The following FBXO34 variants were observed in gnomAD, a reference collection of about 807,000 sequenced individuals.
The protein encoded by FBXO34 is F-box only protein 34.
Under a neutral mutation model 24.5 loss-of-function variants are expected in FBXO34, and 12 were observed. That is an observed-to-expected ratio of 0.49 (90% CI 0.31 to 0.79). The LOEUF is 0.79. FBXO34 is among the 30% of genes least tolerant of loss of function. FBXO34 has a pLI of 0.04. For synonymous variants in FBXO34, 320 were observed against 311.9 expected (o/e 1.03, Z -0.27); for missense variants, 823 against 857.7 (o/e 0.96, Z 0.51).
At chr14:55,332,855 C>T (rs892897904) in intron 1 of FBXO34, among the ~76,000 whole-genome samples, 2 of 151,956 alleles carry the variant, frequency 1.3e-5, no homozygotes, top group Non-Finnish European at 2.9e-5. Context: ...CTGAGGGGTA[C>T]GAGGCACTGT....
At position 55,339,833 on chromosome 14, in the gene FBXO34, GC is replaced by G. The variant is rs554663846; in HGVS notation, c.-10-10547del. ...ACAGAGTATACCTTAACCAGCCAGT[GC>G]ACATACTGCTACTTCAGTCTTGGTT... On this transcript the variant is annotated intron_variant, in intron 1 of 1. Transcript: ENST00000313833. Among the ~76,000 whole-genome samples, 25 of 152,280 alleles carry G rather than the reference GC, an allele frequency of 1.6e-4. No individual in the cohort carries two copies. The East Asian group carries it at 4.3e-3, about 26-fold the overall frequency.
At chr14:55,378,234 A>C in the FBXO34 span, among the ~76,000 whole-genome samples, 14 of 152,380 alleles carry the variant, frequency 9.2e-5, no homozygotes, top group Admixed American at 9.1e-4. Context: ...CATTCCCCTC[A>C]GAGAACAATT....
At chr14:55,374,914 T>C (rs1268778391), downstream of FBXO34, among the ~76,000 whole-genome samples, 1 of 152,242 alleles carries the variant, frequency 6.6e-6, no homozygotes, top group African/African-American at 2.4e-5. Context: ...TGCTATGTTT[T>C]AAATGGACCA....
At chr14:55,333,750 G>A (rs1355420350) in intron 1 of FBXO34, among the ~76,000 whole-genome samples, 1 of 148,530 alleles carries the variant, frequency 6.7e-6, no homozygotes, top group Non-Finnish European at 1.5e-5. Flanking sequence ...ATGTAAACAT[G>A]ACCCTATTAG....
intron 1 of FBXO34, among the ~76,000 whole-genome samples, chr14:55,280,805 C>T (rs556032833): frequency 4.6e-5 from 7 of 152,178 alleles, no homozygotes; most frequent in African/African-American, 7.2e-5. Flanking sequence ...GGATTACAGG[C>T]GTGAACCACC....
the FBXO34 span, among the ~76,000 whole-genome samples, chr14:55,439,724 A>G: frequency 6.6e-6 from 1 of 151,516 alleles, no homozygotes; most frequent in Non-Finnish European, 1.5e-5. Flanking sequence ...AGGTCAGGAG[A>G]TCGAGACCAT....
chr14:55,440,733 C>G, the FBXO34 span: 15 of 596,018 alleles, frequency 2.5e-5, no homozygotes, highest in East Asian at 3.2e-4. Context: ...GCAGTCACCC[C>G]ACTCTGCCCG....
chr14:55,404,854 G>T, the FBXO34 span, among the ~76,000 whole-genome samples: 2 of 152,270 alleles, frequency 1.3e-5, no homozygotes, highest in South Asian at 4.2e-4. Context: ...TATAACCCAG[G>T]AGTAAGTCAG....
At chr14:55,434,903 A>G in the FBXO34 span, among the ~76,000 whole-genome samples, 7 of 152,172 alleles carry the variant, frequency 4.6e-5, no homozygotes, top group Admixed American at 1.3e-4. Flanking sequence ...ACTTTTTCCC[A>G]GTAGGAAGCA....
intron 1 of FBXO34, among the ~76,000 whole-genome samples, chr14:55,306,860 A>G (rs1882566016): frequency 6.6e-6 from 1 of 152,242 alleles, no homozygotes; most frequent in Admixed American, 6.5e-5. Flanking sequence ...AACAAAAAAC[A>G]GGCCATATTT....
the FBXO34 span, among the ~76,000 whole-genome samples, chr14:55,423,816 A>C: frequency 6.6e-6 from 1 of 152,208 alleles, no homozygotes; most frequent in Non-Finnish European, 1.5e-5. Context: ...TTTCCAGAAA[A>C]GAGTTTGTTA....
chr14:55,339,590 A>G (rs1883922108), intron 1 of FBXO34: 1 of 152,216 alleles, frequency 6.6e-6, no homozygotes, highest in African/African-American at 2.4e-5. Context: ...AGGATAAGAC[A>G]AATACACCAG....
At chr14:55,374,269 T>G (rs376938611), downstream of FBXO34, among the ~76,000 whole-genome samples, 11 of 152,298 alleles carry the variant, frequency 7.2e-5, no homozygotes, top group East Asian at 2.1e-3. Context: ...TGAAGTACAG[T>G]GGCTATTCAC....
chr14:55,417,453 TAAAAAAAAAAAA>T, the FBXO34 span, among the ~76,000 whole-genome samples: 6 of 91,348 alleles, frequency 6.6e-5, no homozygotes, highest in African/African-American at 1.9e-4. Context: ...ACCCTTGCCT[TAAAAAAAAAAAA>T]AAAAAAAAAA....
At chr14:55,441,526 T>C in the FBXO34 span, among the ~76,000 whole-genome samples, 1 of 152,164 alleles carries the variant, frequency 6.6e-6, no homozygotes, top group Admixed American at 6.5e-5. Flanking sequence ...GTAGTATTTT[T>C]ACATTATCAT....
the FBXO34 span, chr14:55,413,658 C>CA: frequency 2.6e-6 from 1 of 383,958 alleles, no homozygotes; most frequent in Non-Finnish European, 5.0e-6. Context: ...CAGTTGAACT[C>CA]AGACACCTCT....
chr14:55,344,548 T>G (rs1202953578), intron 1 of FBXO34, among the ~76,000 whole-genome samples: 1 of 34,294 alleles, frequency 2.9e-5, no homozygotes, highest in African/African-American at 8.8e-4. Context: ...GTATGTGTAT[T>G]TTTTTTTTTT....
chr14:55,409,366 G>A, the FBXO34 span, among the ~76,000 whole-genome samples: 7 of 152,150 alleles, frequency 4.6e-5, no homozygotes, highest in African/African-American at 1.7e-4. Context: ...ATACAACAGT[G>A]TATAAAAGAG....
intron 1 of FBXO34, among the ~76,000 whole-genome samples, chr14:55,308,897 C>CAGT (rs1163827341): frequency 2.0e-5 from 3 of 152,180 alleles, no homozygotes; most frequent in Non-Finnish European, 4.4e-5. Context: ...CTAACCACTG[C>CAGT]AGTACTACCA....
Sources: gnomAD v4.1 joint callset for allele counts (sites outside exome capture counted in the v4.1 genomes callset) on GRCh38, gnomAD v4.1.1 for gene constraint, MANE v1.5 for transcripts, NCBI Gene and HGNC (gene_info 2026-07-23, HGNC 2026-07-21) for gene names.